Variants in UBE2E2 observed in about 807,000 individuals in gnomAD.
The protein encoded by UBE2E2 is ubiquitin-conjugating enzyme E2 E2.
UBE2E2 carries 6 observed loss-of-function variants against 24.7 expected under a neutral mutation model. That is an observed-to-expected ratio of 0.24 (90% CI 0.13 to 0.48). UBE2E2 has a LOEUF of 0.48. Ranked by LOEUF, UBE2E2 falls within the 20% of genes least tolerant of loss-of-function variation. The pLI is 0.99. For synonymous variants in UBE2E2, 104 were observed against 83.6 expected (o/e 1.24, Z -1.33); for missense variants, 169 against 245.0 (o/e 0.69, Z 2.07).
At chr3:23,502,801 G>T (rs1310103162) in intron 4 of UBE2E2, among the ~76,000 whole-genome samples, 3 of 152,108 alleles carry the variant, frequency 2.0e-5, no homozygotes, top group African/African-American at 7.2e-5. Flanking sequence ...TTAGTACATT[G>T]AATTTCTTAT....
intron 3 of UBE2E2, among the ~76,000 whole-genome samples, chr3:23,318,036 C>T (rs897448944): frequency 2.0e-5 from 3 of 152,024 alleles, no homozygotes; most frequent in African/African-American, 4.8e-5. Context: ...CTGACTCCCT[C>T]TTATCTAGGT....
At chr3:23,448,203 C>T (rs529863407) in intron 3 of UBE2E2, among the ~76,000 whole-genome samples, 4 of 152,114 alleles carry the variant, frequency 2.6e-5, no homozygotes, top group African/African-American at 7.2e-5. Flanking sequence ...TTAGTGACCC[C>T]GTAATCTTTT....
At chr3:23,347,929 A>G (rs983346997) in intron 3 of UBE2E2, among the ~76,000 whole-genome samples, 1 of 152,106 alleles carries the variant, frequency 6.6e-6, no homozygotes, top group Non-Finnish European at 1.5e-5. Flanking sequence ...CTTATTAATA[A>G]GTTTGTGGTA....
intron 3 of UBE2E2, among the ~76,000 whole-genome samples, chr3:23,366,616 G>A (rs1378482416): frequency 6.6e-6 from 1 of 152,114 alleles, no homozygotes. Context: ...GAGCCTCCTA[G>A]GGTGGAGGGT....
At chr3:23,506,353 C>T (rs1189380287) in intron 4 of UBE2E2, among the ~76,000 whole-genome samples, 1 of 152,250 alleles carries the variant, frequency 6.6e-6, no homozygotes, top group Non-Finnish European at 1.5e-5. Flanking sequence ...CATTCTACAT[C>T]AGCCAGACCA....
At chr3:23,460,486 G>T (rs1394182429) in intron 3 of UBE2E2, among the ~76,000 whole-genome samples, 2 of 152,134 alleles carry the variant, frequency 1.3e-5, no homozygotes, top group East Asian at 3.8e-4. Flanking sequence ...ATGATTTTTG[G>T]TGTGTAATAA....
At chr3:23,448,026 C>G (rs1041713474) in intron 3 of UBE2E2, among the ~76,000 whole-genome samples, 1 of 152,112 alleles carries the variant, frequency 6.6e-6, no homozygotes, top group Non-Finnish European at 1.5e-5. Context: ...AATCAATGTT[C>G]AGAGGAGTAA....
chr3:23,534,139 T>C, intron 5 of UBE2E2: 1 of 944,452 alleles, frequency 1.1e-6, no homozygotes, highest in Non-Finnish European at 1.3e-6. Context: ...TTTTTTTTTT[T>C]TTTTTTTTTT....
At chr3:23,226,757 G>A (rs186614947) in intron 3 of UBE2E2, among the ~76,000 whole-genome samples, 10 of 152,278 alleles carry the variant, frequency 6.6e-5, no homozygotes, top group Non-Finnish European at 2.9e-5. Flanking sequence ...TTTCTAGGAA[G>A]GGTGTTAAAA....
intron 3 of UBE2E2, among the ~76,000 whole-genome samples, chr3:23,409,737 C>G (rs1287698860): frequency 6.6e-6 from 1 of 152,128 alleles, no homozygotes; most frequent in Admixed American, 6.6e-5. Context: ...ATCAAGGTAT[C>G]AACAGGGCCA....
chr3:23,584,543 G>A (rs952866669), intron 5 of UBE2E2, among the ~76,000 whole-genome samples: 32 of 148,592 alleles, frequency 2.2e-4, no homozygotes, highest in African/African-American at 7.6e-5. Flanking sequence ...GGTAGATTAC[G>A]CAATATGACA....
At chr3:23,541,312 A>G (rs1695392112) in intron 5 of UBE2E2, among the ~76,000 whole-genome samples, 1 of 152,240 alleles carries the variant, frequency 6.6e-6, no homozygotes, top group Non-Finnish European at 1.5e-5. Flanking sequence ...TATCAGTAAC[A>G]ACACTCACAG....
chr3:23,401,217 A>C (rs778509), intron 3 of UBE2E2, among the ~76,000 whole-genome samples: 2 of 152,242 alleles, frequency 1.3e-5, no homozygotes, highest in Non-Finnish European at 2.9e-5. Context: ...AAGATCAAGA[A>C]GCTAGTAGAG....
intron 3 of UBE2E2, among the ~76,000 whole-genome samples, chr3:23,460,011 C>G (rs897744111): frequency 6.6e-6 from 1 of 152,190 alleles, no homozygotes; most frequent in South Asian, 2.1e-4. Flanking sequence ...GAGTGCTTGT[C>G]TCTGTTTTCC....
intron 3 of UBE2E2, among the ~76,000 whole-genome samples, chr3:23,383,739 T>C (rs1349053363): frequency 1.3e-5 from 2 of 152,160 alleles, no homozygotes; most frequent in Non-Finnish European, 2.9e-5. Context: ...CCTGCTTAGC[T>C]CAGTTTTTCC....
intron 3 of UBE2E2, among the ~76,000 whole-genome samples, chr3:23,391,481 T>C (rs1054445898): frequency 4.6e-5 from 7 of 152,190 alleles, no homozygotes; most frequent in Non-Finnish European, 7.4e-5. Context: ...TTTAAAAATA[T>C]GGCCACTGTC....
At chr3:23,547,258 T>C (rs1197279171) in intron 5 of UBE2E2, among the ~76,000 whole-genome samples, 1 of 152,180 alleles carries the variant, frequency 6.6e-6, no homozygotes, top group Non-Finnish European at 1.5e-5. Flanking sequence ...AGCTGTTTAG[T>C]AGGTTCTTGG....
At chr3:23,265,911 T>C (rs1375093338) in intron 3 of UBE2E2, among the ~76,000 whole-genome samples, 1 of 152,234 alleles carries the variant, frequency 6.6e-6, no homozygotes, top group Non-Finnish European at 1.5e-5. Flanking sequence ...TGGCCTTCTT[T>C]GTCTCTTTTG....
chr3:23,564,574 T>G (rs1696020013), intron 5 of UBE2E2, among the ~76,000 whole-genome samples: 1 of 152,092 alleles, frequency 6.6e-6, no homozygotes, highest in Non-Finnish European at 1.5e-5. Flanking sequence ...GCATGTCTCA[T>G]TTTATACAGA....
Sources: gnomAD v4.1 joint callset for allele counts (sites outside exome capture counted in the v4.1 genomes callset) on GRCh38, gnomAD v4.1.1 for gene constraint, MANE v1.5 for transcripts, NCBI Gene and HGNC (gene_info 2026-07-23, HGNC 2026-07-21) for gene names.